Variants in SHQ1 observed in about 807,000 individuals in gnomAD.
SHQ1 encodes SHQ1, H/ACA ribonucleoprotein assembly factor.
SHQ1 carries 49 observed loss-of-function variants against 53.8 expected under a neutral mutation model. The ratio of observed to expected loss-of-function variants is 0.91; its 90% CI spans 0.72 to 1.16. The LOEUF (loss-of-function observed/expected upper bound fraction) is 1.16, where lower values mean the gene tolerates loss of function less well. SHQ1 is among the 50% of genes most tolerant of loss of function. The probability of loss-of-function intolerance (pLI) is 0.00; values close to 1 mark genes in which losing one functional copy is unlikely to be tolerated. For missense variants in SHQ1, 738 were observed against 683.1 expected (o/e 1.08, Z -0.90); for synonymous variants, 243 against 251.0 (o/e 0.97, Z 0.30).
intron 6 of SHQ1, among the ~76,000 whole-genome samples, 181 bp from the exon 7 acceptor site, chr3:72,817,565 C>A (rs1707357255): frequency 6.6e-6 from 1 of 152,194 alleles, no homozygotes; most frequent in Admixed American, 6.5e-5. Flanking sequence ...TATGAGTCTG[C>A]TCAAATTCTA....
intron 10 of SHQ1, among the ~76,000 whole-genome samples, chr3:72,778,494 G>C (rs1003754919): frequency 2.6e-5 from 4 of 151,634 alleles, no homozygotes; most frequent in Non-Finnish European, 5.9e-5. Context: ...GAAATCAGTG[G>C]TAGTTACATG....
chr3:72,745,989 C>T (rs1304245603), downstream of SHQ1, among the ~76,000 whole-genome samples: 2 of 151,966 alleles, frequency 1.3e-5, no homozygotes, highest in Non-Finnish European at 2.9e-5. Context: ...TACACGGGCC[C>T]GCCACCACCC....
chr3:72,746,272 G>A (rs1398250971), downstream of SHQ1, among the ~76,000 whole-genome samples: 1 of 152,166 alleles, frequency 6.6e-6, no homozygotes, highest in Non-Finnish European at 1.5e-5. Context: ...ACTGAGCTGC[G>A]ACTAGGCAGT....
intron 4 of SHQ1, among the ~76,000 whole-genome samples, chr3:72,833,644 A>G (rs1024514565): frequency 6.6e-6 from 1 of 152,218 alleles, no homozygotes; most frequent in Non-Finnish European, 1.5e-5. Context: ...AATCCTAAGA[A>G]TCAGTTTTCC....
At chr3:72,798,348 T>G (rs879892756) in intron 9 of SHQ1, among the ~76,000 whole-genome samples, 1 of 152,208 alleles carries the variant, frequency 6.6e-6, no homozygotes, top group Admixed American at 6.5e-5. Flanking sequence ...GAAGAATGAC[T>G]CGAAGACCAA....
At chr3:72,743,951 G>A in the SHQ1 span, among the ~76,000 whole-genome samples, 2 of 152,202 alleles carry the variant, frequency 1.3e-5, no homozygotes, top group South Asian at 2.1e-4. Flanking sequence ...CTTGAAGGAT[G>A]GGTGAGATTT....
At chr3:72,831,293 T>C (rs1707811123) in intron 5 of SHQ1, among the ~76,000 whole-genome samples, 1 of 152,184 alleles carries the variant, frequency 6.6e-6, no homozygotes, top group Non-Finnish European at 1.5e-5. Flanking sequence ...GCCATTCCAA[T>C]TAGTATCCTA....
chr3:72,753,555 G>C, intron 10 of SHQ1: 1 of 985,362 alleles, frequency 1.0e-6, no homozygotes, highest in Non-Finnish European at 1.2e-6. Flanking sequence ...GTGAGCGGGA[G>C]GCACAGTGCG....
At chr3:72,763,331 A>G (rs1376781335) in intron 10 of SHQ1, among the ~76,000 whole-genome samples, 1 of 152,224 alleles carries the variant, frequency 6.6e-6, no homozygotes, top group Non-Finnish European at 1.5e-5. Flanking sequence ...TCTGTGTGAA[A>G]AAAGGGCAAA....
chr3:72,845,209 C>T (rs1452536028), intron 1 of SHQ1, among the ~76,000 whole-genome samples: 2 of 152,082 alleles, frequency 1.3e-5, no homozygotes, highest in Non-Finnish European at 2.9e-5. Flanking sequence ...ATTGGCTGGG[C>T]GTGGTGGCTT....
chr3:72,753,673 T>C (rs1380744426), intron 10 of SHQ1: 1 of 982,970 alleles, frequency 1.0e-6, no homozygotes, highest in Non-Finnish European at 1.2e-6. Flanking sequence ...GGGTTTAGGG[T>C]AAAGAGGAAA....
chr3:72,746,254 TTTTTC>T (rs1705258154), downstream of SHQ1, among the ~76,000 whole-genome samples: 1 of 152,108 alleles, frequency 6.6e-6, no homozygotes, highest in African/African-American at 2.4e-5. Flanking sequence ...AAAGTCTTGG[TTTTTC>T]CCACTGAGCT....
At chr3:72,768,610 C>CT (rs1256774301) in intron 10 of SHQ1, among the ~76,000 whole-genome samples, 1 of 152,126 alleles carries the variant, frequency 6.6e-6, no homozygotes, top group African/African-American at 2.4e-5. Flanking sequence ...TTTTCTATTC[C>CT]TATTGTTTAG....
chr3:72,833,534 CAGATAGATAGATAGATAGAT>C lies in SHQ1; in HGVS notation c.487-1073_487-1054del, dbSNP rs113103994. Among the ~76,000 whole-genome samples, 193 of 149,694 alleles carry C rather than the reference CAGATAGATAGATAGATAGAT, an allele frequency of 1.3e-3. 1 individual carries two copies. Among genetic ancestry groups the C allele is most frequent in the African/African-American group, 4.0e-3 (164 of 40,714 alleles). On this transcript the variant is annotated intron_variant, in intron 4 of 10. Coordinates refer to ENST00000325599, the MANE Select transcript of SHQ1 (RefSeq NM_018130.3). ...GACAGACAGATAGATGGATGATAGACAGATAGATAGATAGATAGATAGATAGATAGATAGATAGAATTTTT... is the reference window on the plus strand; with the variant it reads ...GACAGACAGATAGATGGATGATAGACAGATAGATAGATAGATAGAATTTTT...
intron 1 of SHQ1, 151 bp from the exon 2 acceptor site, chr3:72,844,574 A>T: frequency 2.8e-6 from 2 of 708,734 alleles, no homozygotes; most frequent in Non-Finnish European, 5.1e-6. Flanking sequence ...AAACTAAGTT[A>T]GATTCTTTCC....
intron 5 of SHQ1, among the ~76,000 whole-genome samples, chr3:72,830,546 T>A (rs1354278010): frequency 2.0e-5 from 3 of 152,090 alleles, no homozygotes; most frequent in Non-Finnish European, 4.4e-5. Flanking sequence ...AAATAAAAAT[T>A]AAAAAGAATT....
chr3:72,825,293 C>A (rs1021189767), intron 5 of SHQ1, among the ~76,000 whole-genome samples: 1 of 150,476 alleles, frequency 6.6e-6, no homozygotes, highest in Non-Finnish European at 1.5e-5. Context: ...ACTCAACCAG[C>A]AAAGAAAAAC....
At chr3:72,780,139 G>A (rs1706042024) in intron 10 of SHQ1, among the ~76,000 whole-genome samples, 1 of 152,096 alleles carries the variant, frequency 6.6e-6, no homozygotes, top group Admixed American at 6.6e-5. Flanking sequence ...AAAATTTCTG[G>A]ATTTGAAATA....
intron 4 of SHQ1, among the ~76,000 whole-genome samples, chr3:72,834,472 G>A (rs1707931719): frequency 6.6e-6 from 1 of 152,200 alleles, no homozygotes; most frequent in Admixed American, 6.5e-5. Flanking sequence ...GGAGGTTGCA[G>A]TGAGATGAGA....
Sources: gnomAD v4.1 joint callset for allele counts (sites outside exome capture counted in the v4.1 genomes callset) on GRCh38, gnomAD v4.1.1 for gene constraint, MANE v1.5 for transcripts, NCBI Gene and HGNC (gene_info 2026-07-23, HGNC 2026-07-21) for gene names.